Variants in RAB5A observed in about 807,000 individuals in gnomAD.
RAB5A encodes the protein ras-related protein Rab-5A.
RAB5A carries 8 observed loss-of-function variants against 25.7 expected under a neutral mutation model. The observed-to-expected ratio is 0.31, with a 90% CI of 0.18 to 0.56. RAB5A has a LOEUF of 0.56. RAB5A is among the 20% of genes least tolerant of loss of function. RAB5A has a pLI of 0.91. For synonymous variants in RAB5A, 98 were observed against 89.8 expected (o/e 1.09, Z -0.52); for missense variants, 192 against 259.7 (o/e 0.74, Z 1.79).
At chr3:19,970,148 C>G (rs1010960354) in intron 2 of RAB5A, among the ~76,000 whole-genome samples, 6 of 152,044 alleles carry the variant, frequency 3.9e-5, no homozygotes, top group African/African-American at 1.2e-4. Context: ...GATCCACCCA[C>G]CTCGGCCTCC....
intron 2 of RAB5A, among the ~76,000 whole-genome samples, chr3:19,972,799 G>A (rs2125189980): frequency 6.6e-6 from 1 of 152,192 alleles, no homozygotes; most frequent in Admixed American, 6.5e-5. Flanking sequence ...TGGCATTTTT[G>A]TACATGTATG....
chr3:19,984,406 C>A lies in RAB5A; in HGVS notation c.*583C>A. On this transcript the variant is annotated 3_prime_UTR_variant, in exon 6 of 6. Coordinates refer to ENST00000273047, the MANE Select transcript of RAB5A (RefSeq NM_004162.5). ...AGTATTAATGGTATCTTAATTATAC[C>A]CAGTCTGGTTTTTTTTTTTTAAATG... 4.6e-6 allele frequency: 1 copy of A among 219,538 alleles called. No individual in the cohort carries two copies. The highest frequency in any genetic ancestry group is 2.4e-5 in the African/African-American group (1 of 41,918). 13.6% of individuals were successfully genotyped at this position (219,538 alleles called of 1,614,324 possible). A position where few individuals can be genotyped will look rare whatever the true frequency, so the allele number is the denominator to read the frequency against.
chr3:19,969,869 A>G (rs58859849), intron 2 of RAB5A, among the ~76,000 whole-genome samples: 78,105 of 151,986 alleles, frequency 0.51, 21,270 homozygotes, highest in Non-Finnish European at 0.62. Context: ...GCAGTGGCAC[A>G]ATCTCGGCTC....
chr3:19,952,467 ATCTG>A (rs1321105638), intron 2 of RAB5A, among the ~76,000 whole-genome samples: 3 of 152,212 alleles, frequency 2.0e-5, no homozygotes, highest in Non-Finnish European at 2.9e-5. Flanking sequence ...ACTTCTTGGA[ATCTG>A]TCTTTCAGAA....
intron 2 of RAB5A, among the ~76,000 whole-genome samples, chr3:19,974,687 C>G (rs1272428392): frequency 1.4e-5 from 2 of 142,700 alleles, no homozygotes; most frequent in East Asian, 4.0e-4. Flanking sequence ...TTGGGAGGCA[C>G]TCCAGCCTGG....
At chr3:19,947,584 C>T (rs1293457099) in intron 1 of RAB5A, 63 bp downstream of exon 1, 1 of 152,538 alleles carries the variant, frequency 6.6e-6, no homozygotes, top group Non-Finnish European at 1.5e-5. Flanking sequence ...CCGCGGTCCC[C>T]AGCCTGTCCG....
intron 2 of RAB5A, among the ~76,000 whole-genome samples, chr3:19,952,352 C>T (rs537566524): frequency 6.6e-6 from 1 of 152,258 alleles, no homozygotes; most frequent in African/African-American, 2.4e-5. Context: ...TATAATTAAG[C>T]AATGCTGTTT....
chr3:19,977,935 C>A (rs759006763), intron 4 of RAB5A, among the ~76,000 whole-genome samples: 2 of 152,010 alleles, frequency 1.3e-5, no homozygotes, highest in Admixed American at 6.6e-5. Flanking sequence ...ATTTGGTTTC[C>A]CTTTGTCTTC....
chr3:19,950,233 A>T (rs1696403796), intron 1 of RAB5A, among the ~76,000 whole-genome samples: 1 of 152,212 alleles, frequency 6.6e-6, no homozygotes, highest in South Asian at 2.1e-4. Flanking sequence ...TGGGAGACTG[A>T]AAATATTTGT....
Position 19,984,973 on chromosome 3 carries a change from C to T in RAB5A, c.*1150C>T, listed in dbSNP as rs1172009713. The T allele has an allele frequency of 1.9e-5, 3 of 157,164 alleles. No individual in the cohort carries two copies. Among genetic ancestry groups the T allele is most frequent in the South Asian group, 2.0e-4 (1 of 4,996 alleles). The allele number at this position is 157,164 out of a possible 1,614,324, so 9.7% of individuals were successfully genotyped here. A position where few individuals can be genotyped will look rare whatever the true frequency, so the allele number is the denominator to read the frequency against. ...TTTCCAAAGTTCATTTTATTTTGAT[C>T]AGTTCAGTATATTGCACTAATTATT... On this transcript the variant is annotated 3_prime_UTR_variant, in exon 6 of 6. Transcript: ENST00000273047.
At chr3:19,969,782 T>C (rs1696718073) in intron 2 of RAB5A, among the ~76,000 whole-genome samples, 2 of 152,200 alleles carry the variant, frequency 1.3e-5, no homozygotes, top group Non-Finnish European at 2.9e-5. Flanking sequence ...AGAATCATTT[T>C]AGTTATGGGG....
At chr3:19,972,484 A>G (rs1696765249) in intron 2 of RAB5A, among the ~76,000 whole-genome samples, 1 of 152,170 alleles carries the variant, frequency 6.6e-6, no homozygotes, top group African/African-American at 2.4e-5. Context: ...GAAGGTTTCT[A>G]AGCAGAGTTG....
Position 19,947,256 on chromosome 3 carries a change from A to C in RAB5A, c.-359A>C, listed in dbSNP as rs563651436. On this transcript the variant is annotated 5_prime_UTR_variant, in exon 1 of 6. Coordinates refer to ENST00000273047, the MANE Select transcript of RAB5A (RefSeq NM_004162.5). ...AGGAGGAGGAGGAAGAATTAGTCGGAACTCCAGCGCCGGCGGCGGCGGCGG... is the reference window on the plus strand; with the variant it reads ...AGGAGGAGGAGGAAGAATTAGTCGGCACTCCAGCGCCGGCGGCGGCGGCGG... 296 of 150,168 alleles carry C rather than the reference A, an allele frequency of 2.0e-3. 1 individual carries two copies. The highest frequency in any genetic ancestry group is 4.9e-3 in the Admixed American group (62 of 12,690). 9.3% of individuals were successfully genotyped at this position (150,168 alleles called of 1,614,324 possible).
chr3:19,984,171 G>T lies in RAB5A; in HGVS notation c.*348G>T. The T allele has an allele frequency of 3.2e-6, 1 of 309,812 alleles. No homozygotes were observed. Among genetic ancestry groups the T allele is most frequent in the Non-Finnish European group, 6.0e-6 (1 of 166,534 alleles). The allele number at this position is 309,812 out of a possible 1,614,324, so 19.2% of individuals were successfully genotyped here. ...CTCCACACTGGTACAGTAGTCACCT[G>T]TGAAAAAAAAATTGGAACTTACTAA... On this transcript the variant is annotated 3_prime_UTR_variant, in exon 6 of 6. Coordinates refer to ENST00000273047, the MANE Select transcript of RAB5A (RefSeq NM_004162.5).
chr3:19,972,839 T>C (rs1385760585), intron 2 of RAB5A, among the ~76,000 whole-genome samples: 6 of 152,192 alleles, frequency 3.9e-5, no homozygotes, highest in African/African-American at 1.4e-4. Flanking sequence ...TCTTGTGTCT[T>C]TAACTGGCTT....
chr3:19,979,218 G>T (rs915794574), intron 5 of RAB5A, among the ~76,000 whole-genome samples: 1 of 151,532 alleles, frequency 6.6e-6, no homozygotes, highest in Admixed American at 6.6e-5. Flanking sequence ...CTCGTGATCT[G>T]CCCACCTCGG....
chr3:19,971,457 G>T (rs146305957), intron 2 of RAB5A, among the ~76,000 whole-genome samples: 17 of 151,610 alleles, frequency 1.1e-4, no homozygotes, highest in African/African-American at 4.1e-4. Context: ...CAGTAGTACG[G>T]TGGTGGTGGT....
chr3:19,955,953 T>G (rs1468568215), intron 2 of RAB5A, among the ~76,000 whole-genome samples: 3 of 152,208 alleles, frequency 2.0e-5, no homozygotes, highest in African/African-American at 7.2e-5. Context: ...TATTATGTAC[T>G]GCTCACATTA....
chr3:19,958,288 A>T (rs62241287), intron 2 of RAB5A, among the ~76,000 whole-genome samples: 23,191 of 152,242 alleles, frequency 0.15, 1,988 homozygotes, highest in Non-Finnish European at 0.2. Flanking sequence ...TAAAAAGTAC[A>T]TATTCAGAAT....
Sources: allele counts gnomAD v4.1 joint callset (sites outside exome capture counted in the v4.1 genomes callset), GRCh38; gene constraint gnomAD v4.1.1; transcripts MANE v1.5; gene names NCBI Gene and HGNC (gene_info 2026-07-23, HGNC 2026-07-21).